The following RADIL variants were observed in gnomAD, a reference collection of about 807,000 sequenced individuals.
RADIL encodes the protein ras-associating and dilute domain-containing protein.
A neutral mutation model predicts 97.6 loss-of-function variants in RADIL; 99 were observed. That is an observed-to-expected ratio of 1.01 (90% confidence interval 0.86 to 1.20). RADIL has a LOEUF of 1.20. RADIL is among the 50% of genes most tolerant of loss of function. The pLI is 0.00. For missense variants in RADIL, 1,765 were observed against 1,498.9 expected, an observed-to-expected ratio of 1.18 and a Z score of -2.93; for synonymous variants, 803 against 691.8, an observed-to-expected ratio of 1.16 and a Z score of -2.52.
chr7:4,809,677 T>TTTA lies in RADIL; in HGVS notation c.2140-3962_2140-3961insTAA, dbSNP rs1307294279. On this transcript the variant is annotated intron_variant, in intron 9 of 14. Coordinates refer to ENST00000399583, the MANE Select transcript of RADIL (RefSeq NM_018059.5). ...TCTTATTTTATTTATTTATTTATTT[T>TTTA]ATTTTATTTAATTGATTTATTTAGA... The TTTA allele has an allele frequency of 1.7e-3, 1,562 of 926,878 alleles. 1 individual carries two copies. The highest frequency in any genetic ancestry group is 1.9e-3 in the Non-Finnish European group (1,482 of 779,514). 57.4% of individuals were successfully genotyped at this position (926,878 alleles called of 1,614,324 possible). A position where few individuals can be genotyped will look rare whatever the true frequency, so the allele number is the denominator to read the frequency against.
Position 4,877,841 on chromosome 7 carries a change from T to A in RADIL, c.299A>T (p.Tyr100Phe), listed in dbSNP as rs1465259488. 1 of 1,607,048 alleles carries A rather than the reference T, an allele frequency of 6.2e-7. No homozygotes were observed. The highest frequency in any genetic ancestry group is 1.7e-5 in the Admixed American group (1 of 60,006). The change falls in exon 2 of 15, where the codon TAC becomes TTC. Residue 100 changes from tyrosine to phenylalanine, a missense_variant. Physicochemically the swap from Tyr to Phe is conservative, Grantham distance 22. Transcript: ENST00000399583. Reference sequence around the variant, plus strand: ...GCCGGCCTGCCTGGGGTCCAGGGCGTACCGCTCCAGCGCCTCCTTCACCAG... The same window carrying A: ...GCCGGCCTGCCTGGGGTCCAGGGCGAACCGCTCCAGCGCCTCCTTCACCAG... ...RELVKEALER[Y>F]ALDPRQAGQY...
rs941309615 is a variant in RADIL at position 4,837,215 on chromosome 7, C to T, written c.536-610G>A. Among the ~76,000 whole-genome samples, 3 of 152,176 alleles carry T rather than the reference C, an allele frequency of 2.0e-5. No individual in the cohort carries two copies. Among genetic ancestry groups the T allele is most frequent in the Non-Finnish European group, 4.4e-5 (3 of 68,030 alleles). Reference sequence around the variant, plus strand: ...TCCCCTGCAGCAGCCCAGGGTCACACCGCGGCCTGCCCGACCAGCCAGCAC... The same window carrying T: ...TCCCCTGCAGCAGCCCAGGGTCACATCGCGGCCTGCCCGACCAGCCAGCAC... On this transcript the variant is annotated intron_variant, in intron 2 of 14. Coordinates refer to ENST00000399583, the MANE Select transcript of RADIL (RefSeq NM_018059.5). The surrounding 1 kb of genome is among the most constrained non-coding windows in gnomAD (Gnocchi z 5.6).
chr7:4,862,554 C>T (rs1784040890), intron 2 of RADIL, among the ~76,000 whole-genome samples: 1 of 152,166 alleles, frequency 6.6e-6, no homozygotes, highest in African/African-American at 2.4e-5. Flanking sequence ...AGTGTCTGTC[C>T]CTAGTGCCCT....
chr7:4,808,014 T>TCTC (rs1782394577), intron 9 of RADIL, among the ~76,000 whole-genome samples: 1 of 58,646 alleles, frequency 1.7e-5, no homozygotes. Context: ...CTCCTCCCTC[T>TCTC]CCTCTCCCTC....
Position 4,801,668 on chromosome 7 carries a change from C to T in RADIL, c.2827G>A (p.Gly943Ser), listed in dbSNP as rs1333586497. The T allele has an allele frequency of 1.6e-5, 26 of 1,600,536 alleles. No individual in the cohort carries two copies. The highest frequency in any genetic ancestry group is 2.3e-5 in the East Asian group (1 of 44,162). The change falls in exon 12 of 15, where the codon GGT becomes AGT. Residue 943 changes from glycine (G) to serine (S), a missense_variant. Coordinates refer to ENST00000399583, the MANE Select transcript of RADIL (RefSeq NM_018059.5). ...RQRNGLSGLR[G>S]AAPEGDSAAL... ...CAGGGCTCACCTTCCGGAGCTGCAC[C>T]CCGGAGGCCGCTGAGTCCGTTCCTC...
At chr7:4,832,574 A>C (rs190599196) in intron 4 of RADIL, among the ~76,000 whole-genome samples, 1 of 152,096 alleles carries the variant, frequency 6.6e-6, no homozygotes, top group African/African-American at 2.4e-5. Flanking sequence ...CCCCATCTCT[A>C]CTAAAAATAC....
At position 4,854,419 on chromosome 7, in the gene RADIL, C is replaced by T. The variant is rs1783779019; in HGVS notation, c.536-17814G>A. ...AAAGAGGTTACCACTTTGGGCCGGG[C>T]GCGGTGGCTCACGCCTGTAATCCCA... On this transcript the variant is annotated intron_variant, in intron 2 of 14. Coordinates refer to ENST00000399583, the MANE Select transcript of RADIL (RefSeq NM_018059.5). The surrounding 1 kb of genome is among the most constrained non-coding windows in gnomAD (Gnocchi z 5.1). 6.6e-6 allele frequency among the ~76,000 whole-genome samples: 1 copy of T among 152,098 alleles called. No individual in the cohort carries two copies. The highest frequency in any genetic ancestry group is 2.4e-5 in the African/African-American group (1 of 41,402).
At position 4,837,025 on chromosome 7, in the gene RADIL, C is replaced by T. The variant is rs117177905; in HGVS notation, c.536-420G>A. ...CCCACTAAGCCACGTCTCCTAATGCCGTTACTGTTCTGTCAAAACAGGTCT... is the reference window on the plus strand; with the variant it reads ...CCCACTAAGCCACGTCTCCTAATGCTGTTACTGTTCTGTCAAAACAGGTCT... On this transcript the variant is annotated intron_variant, in intron 2 of 14. Coordinates refer to ENST00000399583, the MANE Select transcript of RADIL (RefSeq NM_018059.5). The surrounding 1 kb of genome is among the most constrained non-coding windows in gnomAD (Gnocchi z 5.6). 0.02 allele frequency among the ~76,000 whole-genome samples: 3,084 copies of T among 152,252 alleles called. 42 individuals carry two copies. Among genetic ancestry groups the T allele is most frequent in the Non-Finnish European group, 0.023 (1,532 of 68,020 alleles).
chr7:4,824,698 A>G lies in RADIL; in HGVS notation c.1455-2144T>C, dbSNP rs1449485677. Among the ~76,000 whole-genome samples, 1 of 152,192 alleles carries G rather than the reference A, an allele frequency of 6.6e-6. No individual in the cohort carries two copies. Among genetic ancestry groups the G allele is most frequent in the Non-Finnish European group, 1.5e-5 (1 of 68,028 alleles). ...GGCTAAGCAGGTCCGCTGCCTGCTC[A>G]TGTGTCTGGCACAGCTCAAAGTCCT... On this transcript the variant is annotated intron_variant, in intron 5 of 14. Coordinates refer to ENST00000399583, the MANE Select transcript of RADIL (RefSeq NM_018059.5). The surrounding 1 kb of genome is among the most constrained non-coding windows in gnomAD (Gnocchi z 6.7).
rs911793916 is a variant in RADIL, at chr7:4,797,353, G to A, written c.*2025C>T. On this transcript the variant is annotated 3_prime_UTR_variant, in exon 15 of 15. Coordinates refer to ENST00000399583, the MANE Select transcript of RADIL (RefSeq NM_018059.5). ...AACCAAAGGCCCTTCAGTCTGGCTT[G>A]GAAGGTCCCAGAATATCACTTATGC... is the stretch of plus-strand genomic sequence containing the variant. 8 of 152,282 alleles carry A rather than the reference G, an allele frequency of 5.3e-5. No individual in the cohort carries two copies. Among genetic ancestry groups the A allele is most frequent in the African/African-American group, 1.4e-4 (6 of 41,472 alleles). 9.4% of individuals were successfully genotyped at this position (152,282 alleles called of 1,614,324 possible). A position where few individuals can be genotyped will look rare whatever the true frequency, so the allele number is the denominator to read the frequency against.
intron 2 of RADIL, among the ~76,000 whole-genome samples, chr7:4,843,165 G>A (rs7776704): frequency 1.4e-5 from 2 of 148,042 alleles, no homozygotes; most frequent in South Asian, 2.2e-4. Flanking sequence ...CACTACCCCC[G>A]ACCCCCGCCA....
Position 4,840,757 on chromosome 7 carries a change from A to C in RADIL, c.536-4152T>G, listed in dbSNP as rs1177949333. Among the ~76,000 whole-genome samples the C allele has an allele frequency of 2.6e-5, 4 of 152,202 alleles. No homozygotes were observed. The highest frequency in any genetic ancestry group is 5.9e-5 in the Non-Finnish European group (4 of 68,036). On this transcript the variant is annotated intron_variant, in intron 2 of 14. Transcript: ENST00000399583. This position sits in a 1 kb window ranked among gnomAD's most constrained non-coding sequence, Gnocchi z 5.6. ...GCCGAGGCAGGTGGATCACGAGGTC[A>C]AGAAATCAAGACCATCCTGGCCAAC...
rs1397972226 is a variant in RADIL, at chr7:4,815,458, G to C, written c.1967-8C>G. The stretch of plus-strand genomic sequence containing the variant: ...AGCAGCTCAGGGAGGGGCCTGTGGA[G>C]GGAAGAAGGGAGGGTGATGCCTGGG... On this transcript the variant is annotated splice_polypyrimidine_tract_variant and splice_region_variant and intron_variant, in intron 8 of 14. Coordinates refer to ENST00000399583, the MANE Select transcript of RADIL (RefSeq NM_018059.5). The surrounding 1 kb of genome is among the most constrained non-coding windows in gnomAD (Gnocchi z 8.0). The C allele has an allele frequency of 1.0e-5, 15 of 1,496,364 alleles. No individual in the cohort carries two copies. Among genetic ancestry groups the C allele is most frequent in the Non-Finnish European group, 1.3e-5 (15 of 1,119,808 alleles). 92.7% of individuals were successfully genotyped at this position (1,496,364 alleles called of 1,614,324 possible).
intron 13 of RADIL, 93 bp from the exon 14 acceptor site, chr7:4,799,862 C>T (rs1782020168): frequency 7.0e-7 from 1 of 1,426,098 alleles, no homozygotes; most frequent in Non-Finnish European, 9.2e-7. Context: ...CCTACAGGCC[C>T]CCGCCTGGCA....
rs1784286500 is a variant in RADIL, at chr7:4,872,858, G to A, written c.535+4747C>T. 6.6e-6 allele frequency among the ~76,000 whole-genome samples: 1 copy of A among 152,190 alleles called. No homozygotes were observed. Among genetic ancestry groups the A allele is most frequent in the Non-Finnish European group, 1.5e-5 (1 of 68,022 alleles). On this transcript the variant is annotated intron_variant, in intron 2 of 14. Coordinates refer to ENST00000399583, the MANE Select transcript of RADIL (RefSeq NM_018059.5). This position sits in a 1 kb window ranked among gnomAD's most constrained non-coding sequence, Gnocchi z 5.8. ...TCTGTAGGGGAGTCCGAGGTGAGGG[G>A]CAGGGGAGAGGCCTGAGAGACTTTG...
rs976126047 is a variant in RADIL at position 4,835,819 on chromosome 7, C to T, written c.783+539G>A. Among the ~76,000 whole-genome samples, 3 of 152,216 alleles carry T rather than the reference C, an allele frequency of 2.0e-5. No homozygotes were observed. Among genetic ancestry groups the T allele is most frequent in the South Asian group, 4.1e-4 (2 of 4,834 alleles). ...ACAGTTGTCTGGCAGGGCAAGTGTC[C>T]GGCAAGGTGAGGCGAGGTGGCCCTG... On this transcript the variant is annotated intron_variant, in intron 3 of 14. Coordinates refer to ENST00000399583, the MANE Select transcript of RADIL (RefSeq NM_018059.5). This position sits in a 1 kb window ranked among gnomAD's most constrained non-coding sequence, Gnocchi z 5.8.
At chr7:4,804,495 A>G (rs1029155665) in intron 10 of RADIL, among the ~76,000 whole-genome samples, 1 of 152,176 alleles carries the variant, frequency 6.6e-6, no homozygotes, top group Non-Finnish European at 1.5e-5. Flanking sequence ...ACACATTATA[A>G]TGCACCCCTG....
At chr7:4,860,545 A>T in intron 2 of RADIL, 5 of 1,614,240 alleles carry the variant, frequency 3.1e-6, no homozygotes. Context: ...TGGGTGCTGG[A>T]AATGACTGTG....
chr7:4,850,201 C>T (rs1039949464), intron 2 of RADIL, among the ~76,000 whole-genome samples: 1 of 124,570 alleles, frequency 8.0e-6, no homozygotes, highest in African/African-American at 3.1e-5. Flanking sequence ...ACCCACACTA[C>T]ACAGACGATC....
Sources: gnomAD v4.1 joint callset for allele counts (sites outside exome capture counted in the v4.1 genomes callset) on GRCh38, gnomAD v4.1.1 for gene constraint, Gnocchi (gnomAD v3.1) non-coding constraint, MANE v1.5 for transcripts, NCBI Gene and HGNC (gene_info 2026-07-23, HGNC 2026-07-21) for gene names.